The following AIM2 variants were observed in gnomAD, a reference collection of about 807,000 sequenced individuals.
AIM2 encodes absent in melanoma 2, also known as interferon-inducible protein AIM2.
AIM2 carries 30 observed loss-of-function variants against 27.7 expected under a neutral mutation model. The ratio of observed to expected loss-of-function variants is 1.08; its 90% confidence interval spans 0.81 to 1.47. The LOEUF (loss-of-function observed/expected upper bound fraction) is 1.47. Ranked by LOEUF, AIM2 falls within the 40% of genes most tolerant of loss-of-function variation. The pLI is 0.00. For synonymous variants in AIM2, 141 were observed against 145.3 expected (o/e 0.97, Z 0.21); for missense variants, 358 against 411.3 (o/e 0.87, Z 1.12).
intron 1 of AIM2, among the ~76,000 whole-genome samples, chr1:159,116,137 C>T (rs1647341227): frequency 6.6e-6 from 1 of 151,432 alleles, no homozygotes; most frequent in African/African-American, 2.4e-5. Context: ...AATGAGATAC[C>T]ATCTCACACC....
At chr1:159,098,118 CTT>C (rs1206271126) in intron 1 of AIM2, among the ~76,000 whole-genome samples, 2 of 152,172 alleles carry the variant, frequency 1.3e-5, no homozygotes, top group Non-Finnish European at 2.9e-5. Context: ...ATTTAAATAT[CTT>C]AAATCCATCA....
chr1:159,127,919 T>A (rs1647765635), intron 1 of AIM2, among the ~76,000 whole-genome samples: 1 of 152,238 alleles, frequency 6.6e-6, no homozygotes, highest in Non-Finnish European at 1.5e-5. Flanking sequence ...CAACTGAAAG[T>A]GCCTTCTTTT....
intron 1 of AIM2, among the ~76,000 whole-genome samples, chr1:159,088,237 C>G (rs1455480894): frequency 2.6e-5 from 4 of 152,094 alleles, no homozygotes; most frequent in Admixed American, 2.6e-4. Context: ...ATGTGAGACA[C>G]AGAAGTTATG....
downstream of AIM2, among the ~76,000 whole-genome samples, chr1:159,060,395 A>C (rs1189535839): frequency 6.6e-6 from 1 of 152,196 alleles, no homozygotes; most frequent in Non-Finnish European, 1.5e-5. Context: ...CTATCTTCCA[A>C]CCTGATGCAT....
intron 1 of AIM2, among the ~76,000 whole-genome samples, chr1:159,100,875 A>G (rs1171042048): frequency 6.6e-6 from 1 of 152,150 alleles, no homozygotes; most frequent in Non-Finnish European, 1.5e-5. Flanking sequence ...ATCTTTGTAA[A>G]ATCTAAAGGG....
At chr1:159,128,933 G>C (rs528540182) in intron 1 of AIM2, among the ~76,000 whole-genome samples, 2 of 152,274 alleles carry the variant, frequency 1.3e-5, no homozygotes, top group East Asian at 3.9e-4. Context: ...AAGTCCACTT[G>C]TCAGAAACTC....
chr1:159,115,152 A>G (rs1009919236), intron 1 of AIM2, among the ~76,000 whole-genome samples: 2 of 152,166 alleles, frequency 1.3e-5, no homozygotes, highest in Non-Finnish European at 2.9e-5. Context: ...CTTCAAGGAG[A>G]ACTACAAACC....
At chr1:159,070,449 T>A (rs1656305266) in intron 2 of AIM2, among the ~76,000 whole-genome samples, 1 of 152,176 alleles carries the variant, frequency 6.6e-6, no homozygotes, top group Non-Finnish European at 1.5e-5. Context: ...GGTTATATGT[T>A]ATCGTGAAAA....
intron 1 of AIM2, among the ~76,000 whole-genome samples, chr1:159,116,600 G>A (rs1348000098): frequency 3.3e-5 from 5 of 151,884 alleles, no homozygotes; most frequent in African/African-American, 7.3e-5. Flanking sequence ...ACCAAACACC[G>A]CATGTTCTCA....
intron 1 of AIM2, chr1:159,132,407 C>CAAGAAAA (rs1391517151): frequency 6.6e-6 from 1 of 151,748 alleles, no homozygotes; most frequent in East Asian, 1.9e-4. Context: ...ATGACTTTAC[C>CAAGAAAA]AAGAAAAAAG....
intron 1 of AIM2, among the ~76,000 whole-genome samples, chr1:159,134,720 T>C (rs2102053403): frequency 6.6e-6 from 1 of 152,244 alleles, no homozygotes; most frequent in East Asian, 1.9e-4. Context: ...TAATCCCAGT[T>C]ACTCGGGAGG....
At chr1:159,082,051 G>A (rs925206659) in intron 1 of AIM2, among the ~76,000 whole-genome samples, 3 of 152,054 alleles carry the variant, frequency 2.0e-5, no homozygotes, top group African/African-American at 7.2e-5. Context: ...CTAGCCACAT[G>A]CTTTTAAAAT....
chr1:159,070,620 T>C (rs920085566), intron 2 of AIM2, among the ~76,000 whole-genome samples: 1 of 152,232 alleles, frequency 6.6e-6, no homozygotes, highest in African/African-American at 2.4e-5. Flanking sequence ...CAATCACTGA[T>C]TTTACTAAAA....
Position 159,124,804 on chromosome 1 carries a change from A to G in AIM2, c.-16+15627T>C, listed in dbSNP as rs562645793. Among the ~76,000 whole-genome samples the G allele has an allele frequency of 2.6e-5, 4 of 152,348 alleles. No individual in the cohort carries two copies. The South Asian group carries it at 8.3e-4, about 32-fold the overall frequency. ...CAGCTCAGTAGAGCAGGAGGAAAAC[A>G]GGTGAGATGGTGATGACGTTGGAGG... On this transcript the variant is annotated intron_variant, in intron 1 of 2. Coordinates refer to the AIM2 transcript ENST00000368129.
At chr1:159,147,025 G>A (rs1648220483) in exon 1 of AIM2, 1 of 152,202 alleles carries the variant, frequency 6.6e-6, no homozygotes, top group African/African-American at 2.4e-5. Context: ...AGAACTTGCT[G>A]GTCCTTCCTT....
rs1314624912 is a variant in AIM2 at position 159,128,140 on chromosome 1, A to G, written c.-16+12291T>C. On this transcript the variant is annotated intron_variant, in intron 1 of 2. Transcript: ENST00000368129. ...TTGCAACCTCCCCATCTCTCAGCAC[A>G]GTGCTTAGTATAAAATAGTTGCCAG... Among the ~76,000 whole-genome samples, 6 of 152,178 alleles carry G rather than the reference A, an allele frequency of 3.9e-5. 1 individual carries two copies. The highest frequency in any genetic ancestry group is 1.4e-4 in the African/African-American group (6 of 41,444).
At chr1:159,055,698 ATAAT>A in the AIM2 span, among the ~76,000 whole-genome samples, 1 of 152,228 alleles carries the variant, frequency 6.6e-6, no homozygotes, top group African/African-American at 2.4e-5. Flanking sequence ...AACACTGAAG[ATAAT>A]TAATTTTATT....
intron 1 of AIM2, among the ~76,000 whole-genome samples, chr1:159,114,146 AC>A (rs1200199305): frequency 6.6e-6 from 1 of 152,234 alleles, no homozygotes; most frequent in Non-Finnish European, 1.5e-5. Context: ...AGAGTAGTGG[AC>A]AAGAGACTGG....
At chr1:159,072,826 T>C (rs1217207692) in intron 2 of AIM2, among the ~76,000 whole-genome samples, 2 of 152,190 alleles carry the variant, frequency 1.3e-5, no homozygotes, top group African/African-American at 4.8e-5. Flanking sequence ...AATATCCTGG[T>C]TTACAGTTTT....
Sources: gnomAD v4.1 joint callset for allele counts (sites outside exome capture counted in the v4.1 genomes callset) on GRCh38, gnomAD v4.1.1 for gene constraint, MANE v1.5 for transcripts, NCBI Gene and HGNC (gene_info 2026-07-23, HGNC 2026-07-21) for gene names.